ZNF804A: variants seen among roughly 807,000 people sequenced by gnomAD.
ZNF804A encodes zinc finger protein 804A.
A neutral mutation model predicts 16.5 loss-of-function variants in ZNF804A; 2 were observed. That is an observed-to-expected ratio of 0.12 (90% CI 0.05 to 0.38). The LOEUF (loss-of-function observed/expected upper bound fraction) is 0.38, where lower values mean the gene tolerates loss of function less well. Ranked by LOEUF, ZNF804A falls within the 10% of genes least tolerant of loss-of-function variation. The probability of loss-of-function intolerance (pLI) is 0.99; values close to 1 mark genes in which losing one functional copy is unlikely to be tolerated. For synonymous variants in ZNF804A, 534 were observed against 489.6 expected, an observed-to-expected ratio of 1.09 and a Z score of -1.20; for missense variants, 1,473 against 1,390.7, an observed-to-expected ratio of 1.06 and a Z score of -0.94.
At chr2:184,696,954 A>G (rs1692842005) in intron 1 of ZNF804A, among the ~76,000 whole-genome samples, 1 of 152,002 alleles carries the variant, frequency 6.6e-6, no homozygotes, top group African/African-American at 2.4e-5. Context: ...ACAACCTAGA[A>G]GTGAAAATTA....
intron 2 of ZNF804A, among the ~76,000 whole-genome samples, chr2:184,917,532 T>C (rs1301009357): frequency 6.6e-6 from 1 of 152,028 alleles, no homozygotes; most frequent in Non-Finnish European, 1.5e-5. Flanking sequence ...GTTCTGAAAA[T>C]AGATGAGTAT....
At chr2:184,892,548 G>A (rs555170727) in intron 2 of ZNF804A, among the ~76,000 whole-genome samples, 4 of 139,506 alleles carry the variant, frequency 2.9e-5, no homozygotes, top group African/African-American at 1.1e-4. Flanking sequence ...GCAGTGGCTC[G>A]ATCTCGGCTT....
At chr2:184,657,652 A>G (rs1442673178) in intron 1 of ZNF804A, among the ~76,000 whole-genome samples, 1 of 152,218 alleles carries the variant, frequency 6.6e-6, no homozygotes, top group South Asian at 2.1e-4. Flanking sequence ...TTATTTTTCT[A>G]TGAATAATCA....
chr2:184,939,069 G>C lies in ZNF804A; in HGVS notation c.*43G>C. 1 of 1,591,208 alleles carries C rather than the reference G, an allele frequency of 6.3e-7. No homozygotes were observed. Among genetic ancestry groups the C allele is most frequent in the African/African-American group, 1.3e-5 (1 of 74,574 alleles). On this transcript the variant is annotated 3_prime_UTR_variant, in exon 4 of 4. Coordinates refer to ENST00000302277, the MANE Select transcript of ZNF804A (RefSeq NM_194250.2). The stretch of plus-strand genomic sequence containing the variant: ...AAAAAATACTCTTGTGAAAACTATT[G>C]CTATATGCGTTAAGTGTTCATCTAT...
intron 2 of ZNF804A, among the ~76,000 whole-genome samples, chr2:184,882,366 T>A (rs140827695): frequency 6.6e-6 from 1 of 152,106 alleles, no homozygotes; most frequent in East Asian, 1.9e-4. Flanking sequence ...CTGGAAGAAT[T>A]CAATACCCCA....
intron 1 of ZNF804A, among the ~76,000 whole-genome samples, chr2:184,814,504 A>G (rs1366949358): frequency 3.3e-5 from 5 of 152,054 alleles, no homozygotes; most frequent in South Asian, 4.1e-4. Flanking sequence ...CTCTGCTTCA[A>G]AGGTTGCTGC....
rs530356752 is a variant in ZNF804A, at chr2:184,824,824, G to A, written c.112-41545G>A. On this transcript the variant is annotated intron_variant, in intron 1 of 3. Transcript: ENST00000302277. ...GAGCTCATGCTGGGACTGGCAGCCA[G>A]GACTTAGCTGGGGACACCAGCTGGA... is the stretch of plus-strand genomic sequence containing the variant. Among the ~76,000 whole-genome samples the A allele has an allele frequency of 1.1e-4, 17 of 152,118 alleles. No homozygotes were observed. In the East Asian group the frequency reaches 3.3e-3, roughly 29 times the overall value.
At chr2:184,819,639 T>TA (rs946421331) in intron 1 of ZNF804A, among the ~76,000 whole-genome samples, 133 of 148,374 alleles carry the variant, frequency 9.0e-4, no homozygotes, top group South Asian at 1.7e-3. Context: ...GAGCTGTTTT[T>TA]AAAAAAAAAA....
chr2:184,726,270 A>G (rs529016940), intron 1 of ZNF804A, among the ~76,000 whole-genome samples: 29 of 151,822 alleles, frequency 1.9e-4, no homozygotes, highest in African/African-American at 7.0e-4. Flanking sequence ...GTTTATCCAC[A>G]TAAGTTTCAG....
At chr2:184,708,968 C>T (rs1693081233) in intron 1 of ZNF804A, among the ~76,000 whole-genome samples, 1 of 152,092 alleles carries the variant, frequency 6.6e-6, no homozygotes, top group Non-Finnish European at 1.5e-5. Flanking sequence ...CTCCACGTGG[C>T]TGCTCTGTTC....
intron 1 of ZNF804A, among the ~76,000 whole-genome samples, chr2:184,631,816 T>A (rs929799553): frequency 1.1e-4 from 17 of 152,206 alleles, no homozygotes; most frequent in African/African-American, 4.1e-4. Context: ...ATTGTCTGCA[T>A]TGAAATAAAG....
At chr2:184,760,734 A>G (rs1337983270) in intron 1 of ZNF804A, among the ~76,000 whole-genome samples, 2 of 152,148 alleles carry the variant, frequency 1.3e-5, no homozygotes, top group African/African-American at 2.4e-5. Context: ...GATTGGGGAT[A>G]AATAAGTCTC....
At chr2:184,630,747 G>T (rs1691592927) in intron 1 of ZNF804A, among the ~76,000 whole-genome samples, 1 of 152,064 alleles carries the variant, frequency 6.6e-6, no homozygotes, top group Non-Finnish European at 1.5e-5. Flanking sequence ...AAGGACTGGA[G>T]TGAGGTGCTT....
Position 184,745,864 on chromosome 2 carries a change from G to A in ZNF804A, c.112-120505G>A, listed in dbSNP as rs184274218. Among the ~76,000 whole-genome samples, 771 of 151,622 alleles carry A rather than the reference G, an allele frequency of 5.1e-3. 1 individual carries two copies. Among genetic ancestry groups the A allele is most frequent in the Non-Finnish European group, 8.7e-3 (591 of 67,640 alleles). Reference sequence around the variant, plus strand: ...GATTGAGTGAATAAATTTTAACAAAGAATGTAATCAATGTATACCATATAA... The same window carrying A: ...GATTGAGTGAATAAATTTTAACAAAAAATGTAATCAATGTATACCATATAA... On this transcript the variant is annotated intron_variant, in intron 1 of 3. Coordinates refer to ENST00000302277, the MANE Select transcript of ZNF804A (RefSeq NM_194250.2).
At chr2:184,859,420 T>C (rs1695757182) in intron 1 of ZNF804A, among the ~76,000 whole-genome samples, 1 of 152,144 alleles carries the variant, frequency 6.6e-6, no homozygotes, top group Admixed American at 6.5e-5. Context: ...TTCATTGTAT[T>C]TTTCAGCTCT....
intron 1 of ZNF804A, among the ~76,000 whole-genome samples, chr2:184,820,057 A>T (rs1470259241): frequency 2.6e-5 from 4 of 152,034 alleles, no homozygotes; most frequent in Non-Finnish European, 1.5e-5. Flanking sequence ...CTCCTCTCTA[A>T]CTCATTATAT....
intron 1 of ZNF804A, among the ~76,000 whole-genome samples, chr2:184,706,107 CTTT>C (rs1435981901): frequency 2.6e-5 from 4 of 152,176 alleles, no homozygotes; most frequent in African/African-American, 9.6e-5. Context: ...CACCAGACTT[CTTT>C]ATCACTATTT....
intron 1 of ZNF804A, among the ~76,000 whole-genome samples, chr2:184,711,122 C>G (rs958177785): frequency 6.6e-6 from 1 of 151,752 alleles, no homozygotes; most frequent in Non-Finnish European, 1.5e-5. Context: ...TTCCCACCAG[C>G]AGTGTACAAG....
At chr2:184,627,953 A>G (rs1417449171) in intron 1 of ZNF804A, among the ~76,000 whole-genome samples, 2 of 152,188 alleles carry the variant, frequency 1.3e-5, no homozygotes, top group African/African-American at 4.8e-5. Flanking sequence ...TTCAACATGG[A>G]GTTTCTTATG....
Sources: allele counts gnomAD v4.1 joint callset (sites outside exome capture counted in the v4.1 genomes callset), GRCh38; gene constraint gnomAD v4.1.1; transcripts MANE v1.5; gene names NCBI Gene and HGNC (gene_info 2026-07-23, HGNC 2026-07-21).